The following HSD17B14 variants were observed in gnomAD, a reference collection of about 807,000 sequenced individuals.
HSD17B14 encodes hydroxysteroid 17-beta dehydrogenase 14.
Under a neutral mutation model 32.2 loss-of-function variants are expected in HSD17B14, and 32 were observed. That is an observed-to-expected ratio of 0.99 (90% CI 0.75 to 1.33). The LOEUF is 1.33. Ranked by LOEUF, HSD17B14 falls within the 40% of genes most tolerant of loss-of-function variation. The pLI is 0.00. For synonymous variants in HSD17B14, 140 were observed against 155.4 expected (o/e 0.90, Z 0.74); for missense variants, 370 against 366.5 (o/e 1.01, Z -0.08).
rs2035152354 is a variant in HSD17B14 at position 48,821,723 on chromosome 19, GTGGTGATGAGGATGGTGATGGTGAGGA to G, written c.370-6609_370-6583del. Among the ~76,000 whole-genome samples, 3 of 150,706 alleles carry G rather than the reference GTGGTGATGAGGATGGTGATGGTGAGGA, an allele frequency of 2.0e-5. No individual in the cohort carries two copies. In the Admixed American group the frequency reaches 2.0e-4, roughly 10 times the overall value. On this transcript the variant is annotated intron_variant, in intron 5 of 8. Transcript: ENST00000263278. The stretch of plus-strand genomic sequence containing the variant: ...GGTCATGATGGTGATGGTGAGTATG[GTGGTGATGAGGATGGTGATGGTGAGGA>G]TGGTGATGAGGATGATGATAAGGAT...
intron 5 of HSD17B14, among the ~76,000 whole-genome samples, chr19:48,824,842 G>C (rs1250574302): frequency 6.6e-6 from 1 of 151,850 alleles, no homozygotes; most frequent in Admixed American, 6.6e-5. Flanking sequence ...TGAATTATCT[G>C]TACTATTCTA....
intron 5 of HSD17B14, among the ~76,000 whole-genome samples, chr19:48,821,803 G>A (rs933285610): frequency 1.1e-4 from 16 of 151,586 alleles, no homozygotes; most frequent in African/African-American, 3.6e-4. Flanking sequence ...TGATCGTAGT[G>A]ATGATGATGG....
chr19:48,814,962 C>A, intron 6 of HSD17B14, 75 bp downstream of exon 6: 1 of 1,155,448 alleles, frequency 8.7e-7, no homozygotes, highest in Non-Finnish European at 1.3e-6. Flanking sequence ...GGTCTGGCTC[C>A]TAAGTTGTCT....
In HSD17B14 at chr19:48,835,824, C is replaced by T. The variant is rs371088653; in HGVS notation, c.108G>A (p.Val36=). 6 of 1,613,648 alleles carry T rather than the reference C, an allele frequency of 3.7e-6. No individual in the cohort carries two copies. In the Admixed American group the frequency reaches 8.3e-5, roughly 22 times the overall value. Residue 36 remains valine (V), a synonymous_variant, in exon 2 of 9, where the codon GTG becomes GTA. Transcript: ENST00000263278. The part of the protein sequence containing the change: ...VRAFVNSGAR[V]VICDKDESGG... The stretch of plus-strand genomic sequence containing the variant: ...ACTCACCATCCTTGTCGCAGATAAC[C>T]ACTCGGGCCCCGCTGTTCACTGAGA...
rs758952033 is a variant in HSD17B14, at chr19:48,832,629, AGGAGGT to A, written c.277+31_277+36del. 5.7e-6 allele frequency: 9 copies of A among 1,571,306 alleles called. No homozygotes were observed. In the South Asian group the frequency reaches 1.0e-4, roughly 18 times the overall value. Reference sequence around the variant, plus strand: ...CGTGCAGGAAACAGAGTTGGGGGGCAGGAGGTGGAGAATGGCCCTGGGGTCTCACAA... The same window carrying A: ...CGTGCAGGAAACAGAGTTGGGGGGCAGGAGAATGGCCCTGGGGTCTCACAA... On this transcript the variant is annotated intron_variant, in intron 4 of 8. Coordinates refer to ENST00000263278, the MANE Select transcript of HSD17B14 (RefSeq NM_016246.3).
At chr19:48,829,072 T>A (rs1312902168) in intron 5 of HSD17B14, among the ~76,000 whole-genome samples, 2 of 151,928 alleles carry the variant, frequency 1.3e-5, no homozygotes, top group African/African-American at 2.4e-5. Flanking sequence ...AAAAATAAAT[T>A]AATTAATTTT....
chr19:48,835,985 C>T (rs369843685), intron 1 of HSD17B14, 142 bp from the exon 2 acceptor site: 1 of 713,632 alleles, frequency 1.4e-6, no homozygotes, highest in East Asian at 2.7e-5. Context: ...AGAGGGCAGA[C>T]GCCTTGACAC....
At position 48,836,333 on chromosome 19, in the gene HSD17B14, G is replaced by C; in HGVS notation, c.79C>G (p.Arg27Gly). The change falls in exon 1 of 9, where the codon CGC becomes GGC. Residue 27 changes from arginine to glycine, a missense_variant. Coordinates refer to ENST00000263278, the MANE Select transcript of HSD17B14 (RefSeq NM_016246.3). ...GGRGIGAGIVRAFVNSGARVV... is the reference protein window; with the variant it reads ...GGRGIGAGIVGAFVNSGARVV... ...GTCAGACCCGGCTCACCGAAGGCGC[G>C]CACGATCCCAGCTCCGATGCCGCGC... 6.2e-7 allele frequency: 1 copy of C among 1,612,694 alleles called. No individual in the cohort carries two copies. Among genetic ancestry groups the C allele is most frequent in the Non-Finnish European group, 8.5e-7 (1 of 1,179,718 alleles).
rs755345772 is a variant in HSD17B14, at chr19:48,836,368, G to C, written c.44C>G (p.Thr15Ser). 10 of 1,613,700 alleles carry C rather than the reference G, an allele frequency of 6.2e-6. No individual in the cohort carries two copies. Among genetic ancestry groups the C allele is most frequent in the South Asian group, 3.3e-5 (3 of 91,074 alleles). Residue 15 changes from threonine to serine, a missense_variant, in exon 1 of 9, where the codon ACC (threonine) becomes AGC (serine). Transcript: ENST00000263278. ...TRYAGKVVVV[T>S]GGGRGIGAGI... ...AGCTCCGATGCCGCGCCCGCCCCCG[G>C]TCACGACCACCACCTTCCCGGCATA...
At chr19:48,822,693 ATGATGGTGATGCTGTCAT>A (rs1407750878) in intron 5 of HSD17B14, among the ~76,000 whole-genome samples, 206 of 151,202 alleles carry the variant, frequency 1.4e-3, no homozygotes, top group Non-Finnish European at 2.3e-3. Context: ...GATGGTGGCA[ATGATGGTGATGCTGTCAT>A]TGATGGTGAT....
intron 5 of HSD17B14, among the ~76,000 whole-genome samples, chr19:48,818,409 C>G (rs1465723371): frequency 1.3e-5 from 2 of 151,838 alleles, no homozygotes; most frequent in Non-Finnish European, 2.9e-5. Context: ...CCTCAGGGAA[C>G]CTCTCATCCT....
intron 5 of HSD17B14, among the ~76,000 whole-genome samples, chr19:48,824,508 C>T (rs1022110180): frequency 2.6e-5 from 4 of 151,686 alleles, no homozygotes; most frequent in Non-Finnish European, 2.9e-5. Context: ...CAGTGGCTCA[C>T]ACCTGTAATC....
At chr19:48,819,938 A>G (rs1446666604) in intron 5 of HSD17B14, among the ~76,000 whole-genome samples, 1 of 151,906 alleles carries the variant, frequency 6.6e-6, no homozygotes, top group Admixed American at 6.6e-5. Flanking sequence ...ACTTGAGCCC[A>G]AGGAGTTTGA....
chr19:48,816,779 T>TTTTCTTCCTTTCTTTCTTTCTTTC (rs2035058030), intron 5 of HSD17B14, among the ~76,000 whole-genome samples: 2 of 122,180 alleles, frequency 1.6e-5, no homozygotes, highest in African/African-American at 6.7e-5. Flanking sequence ...GCAAGACCCT[T>TTTTCTTCCTTTCTTTCTTTCTTTC]TTTCTTTCTT....
intron 4 of HSD17B14, 21 bp downstream of exon 4, chr19:48,832,645 C>T (rs775437835): frequency 6.2e-7 from 1 of 1,609,134 alleles, no homozygotes; most frequent in Non-Finnish European, 8.5e-7. Flanking sequence ...TGGAGAATGG[C>T]CCTGGGGTCT....
At chr19:48,817,494 A>G (rs577402062) in intron 5 of HSD17B14, among the ~76,000 whole-genome samples, 1 of 152,192 alleles carries the variant, frequency 6.6e-6, no homozygotes, top group Admixed American at 6.6e-5. Context: ...AAATAAAATA[A>G]TAAAATAAAA....
chr19:48,813,442 A>G lies in HSD17B14; in HGVS notation c.639+14T>C. On this transcript the variant is annotated intron_variant, in intron 8 of 8. Transcript: ENST00000263278. ...TGCCACCTTCTACCACCTGGATCTG[A>G]ACCCCACTTCTACCTGGGCCAGCAT... 1 of 1,598,296 alleles carries G rather than the reference A, an allele frequency of 6.3e-7. No homozygotes were observed. The highest frequency in any genetic ancestry group is 8.5e-7 in the Non-Finnish European group (1 of 1,172,534).
rs573994771 is a variant in HSD17B14 at position 48,828,053 on chromosome 19, A to G, written c.369+3615T>C. Reference sequence around the variant, plus strand: ...GTATTTTTAGTAGAGACGGGGTTTCACCGCGTTAGCCAAGATGGTCTCGAT... The same window carrying G: ...GTATTTTTAGTAGAGACGGGGTTTCGCCGCGTTAGCCAAGATGGTCTCGAT... On this transcript the variant is annotated intron_variant, in intron 5 of 8. Coordinates refer to ENST00000263278, the MANE Select transcript of HSD17B14 (RefSeq NM_016246.3). Among the ~76,000 whole-genome samples the G allele has an allele frequency of 3.8e-4, 57 of 151,268 alleles. No individual in the cohort carries two copies. In the East Asian group the frequency reaches 6.9e-3, roughly 18 times the overall value.
At chr19:48,831,360 C>G (rs1272566694) in intron 5 of HSD17B14, among the ~76,000 whole-genome samples, 1 of 152,062 alleles carries the variant, frequency 6.6e-6, no homozygotes, top group Non-Finnish European at 1.5e-5. Flanking sequence ...CCAAGGCAGG[C>G]AGATCACTTG....
Sources: allele counts gnomAD v4.1 joint callset (sites outside exome capture counted in the v4.1 genomes callset), GRCh38; gene constraint gnomAD v4.1.1; transcripts MANE v1.5; gene names NCBI Gene and HGNC (gene_info 2026-07-23, HGNC 2026-07-21).